The following SYNJ2 variants were observed in gnomAD, a reference collection of about 807,000 sequenced individuals.
SYNJ2 encodes the protein synaptojanin 2, also known as polyphosphatidylinositol phosphatase SYNJ2.
In SYNJ2, 116 loss-of-function variants were observed where a neutral mutation model predicts 141.3. That is an observed-to-expected ratio of 0.82 (90% CI 0.71 to 0.96). The LOEUF (loss-of-function observed/expected upper bound fraction) is 0.96, where lower values mean the gene tolerates loss of function less well. Ranked by LOEUF, SYNJ2 falls within the 40% of genes least tolerant of loss-of-function variation. SYNJ2 has a pLI of 0.00. For synonymous variants in SYNJ2, 745 were observed against 777.7 expected, an observed-to-expected ratio of 0.96 and a Z score of 0.70; for missense variants, 1,873 against 1,934.8, an observed-to-expected ratio of 0.97 and a Z score of 0.60.
At chr6:158,087,403 G>A (rs942810115) in intron 23 of SYNJ2, among the ~76,000 whole-genome samples, 1 of 152,154 alleles carries the variant, frequency 6.6e-6, no homozygotes, top group Non-Finnish European at 1.5e-5. Flanking sequence ...AGGTGACCTG[G>A]TCACCCCTCT....
At chr6:158,020,250 TGACTCTGACTGTGTGACCCCCACCTGC>T (rs1439303127) in intron 2 of SYNJ2, among the ~76,000 whole-genome samples, 2 of 140,416 alleles carry the variant, frequency 1.4e-5, no homozygotes, top group East Asian at 2.0e-4. Context: ...CCCACCTGCG[TGACTCTGACTGTGTGACCCCCACCTGC>T]GTGACTCCGA....
At chr6:157,991,838 G>T (rs1430982362) in intron 1 of SYNJ2, among the ~76,000 whole-genome samples, 1 of 152,186 alleles carries the variant, frequency 6.6e-6, no homozygotes, top group Non-Finnish European at 1.5e-5. Context: ...CTCTCCTTGA[G>T]TCTACCCTTT....
chr6:158,008,970 C>G (rs1055884366), intron 1 of SYNJ2, among the ~76,000 whole-genome samples: 4 of 152,234 alleles, frequency 2.6e-5, no homozygotes, highest in Non-Finnish European at 4.4e-5. Flanking sequence ...AACCTTCAGT[C>G]ACACTGCCCG....
At chr6:158,045,575 G>C (rs937350572) in intron 5 of SYNJ2, among the ~76,000 whole-genome samples, 2 of 152,048 alleles carry the variant, frequency 1.3e-5, no homozygotes, top group African/African-American at 4.8e-5. Flanking sequence ...TCTTCTCCGT[G>C]TGACTCACCC....
At position 158,074,737 on chromosome 6, in the gene SYNJ2, A is replaced by G. The variant is rs1172895735; in HGVS notation, c.2291A>G (p.Lys764Arg). ...CTACAGCTACAGAAATCAAGTGGAAAAGTAAGTTGTGCTTTAAAAACATTT... is the reference window on the plus strand; with the variant it reads ...CTACAGCTACAGAAATCAAGTGGAAGAGTAAGTTGTGCTTTAAAAACATTT... ...DQLQLQKSSG[K>R]IFKDFHEGAI... Residue 764 changes from lysine to arginine, a missense_variant and splice_region_variant, in exon 16 of 27, where the codon AAA becomes AGA. Transcript: ENST00000355585. The G allele has an allele frequency of 6.2e-7, 1 of 1,612,000 alleles. No homozygotes were observed. Among genetic ancestry groups the G allele is most frequent in the Non-Finnish European group, 8.5e-7 (1 of 1,179,582 alleles).
At position 158,078,124 on chromosome 6, in the gene SYNJ2, G is replaced by T. The variant is rs749050686; in HGVS notation, c.2450-40G>T. The T allele has an allele frequency of 1.2e-5, 16 of 1,340,682 alleles. No individual in the cohort carries two copies. The South Asian group carries it at 1.4e-4, about 12-fold the overall frequency. 83.0% of individuals were successfully genotyped at this position (1,340,682 alleles called of 1,614,324 possible). A position where few individuals can be genotyped will look rare whatever the true frequency, so the allele number is the denominator to read the frequency against. ...TGATCGCATTCTTGGATATTGACTCGATTCTATATGGGTCTCTCGAATGGA... is the reference window on the plus strand; with the variant it reads ...TGATCGCATTCTTGGATATTGACTCTATTCTATATGGGTCTCTCGAATGGA... On this transcript the variant is annotated intron_variant, in intron 17 of 26. Coordinates refer to ENST00000355585, the MANE Select transcript of SYNJ2 (RefSeq NM_003898.4).
intron 1 of SYNJ2, among the ~76,000 whole-genome samples, chr6:157,992,050 A>T (rs1278831375): frequency 6.6e-6 from 1 of 152,202 alleles, no homozygotes; most frequent in East Asian, 1.9e-4. Context: ...ATTTTGATAC[A>T]GGCATGTAAT....
intron 25 of SYNJ2, among the ~76,000 whole-genome samples, chr6:158,091,138 A>T (rs112725573): frequency 0.033 from 5,072 of 151,418 alleles, 282 homozygotes; most frequent in African/African-American, 0.12. Flanking sequence ...TAACACGGTG[A>T]AACCCCGTCT....
chr6:158,068,226 G>A (rs1781684983), intron 12 of SYNJ2, among the ~76,000 whole-genome samples: 2 of 151,458 alleles, frequency 1.3e-5, no homozygotes. Context: ...GAAGTGGACA[G>A]CCTGCCTGGC....
chr6:158,050,552 A>G (rs985112608), intron 5 of SYNJ2, among the ~76,000 whole-genome samples: 1 of 152,224 alleles, frequency 6.6e-6, no homozygotes, highest in Non-Finnish European at 1.5e-5. Flanking sequence ...AGCCCTGTCC[A>G]CACGGAATGC....
At chr6:158,025,972 A>AATATATGC (rs1554235770) in intron 2 of SYNJ2, among the ~76,000 whole-genome samples, 1 of 128,730 alleles carries the variant, frequency 7.8e-6, no homozygotes, top group African/African-American at 3.1e-5. Context: ...ATAAATAAAT[A>AATATATGC]ATACATGCAT....
At chr6:158,033,377 C>T in intron 3 of SYNJ2, 78 bp from the exon 4 acceptor site, 2 of 1,514,316 alleles carry the variant, frequency 1.3e-6, no homozygotes, top group Non-Finnish European at 1.8e-6. Context: ...CCCAGTTCCT[C>T]AGCCACACTC....
intron 2 of SYNJ2, 115 bp downstream of exon 2, chr6:158,017,405 CTT>C (rs34667973): frequency 0.28 from 167,287 of 592,786 alleles, 9,301 homozygotes; most frequent in African/African-American, 0.47. Flanking sequence ...TCTCTCTCTT[CTT>C]TTTTTTTTTT....
chr6:158,005,203 T>G (rs913477680), intron 1 of SYNJ2, among the ~76,000 whole-genome samples: 6 of 151,642 alleles, frequency 4.0e-5, no homozygotes, highest in Non-Finnish European at 5.9e-5. Flanking sequence ...TCAGCCTCCC[T>G]AGTAGCTGGG....
rs934820320 is a variant in SYNJ2, at chr6:158,047,236, G to A, written c.795+3837G>A. The stretch of plus-strand genomic sequence containing the variant: ...TTGTGTGCGTGGGAAGGAACCTGAC[G>A]CTTGTTCCAAGCTTCCCCGCAGCCA... On this transcript the variant is annotated intron_variant, in intron 5 of 26. Transcript: ENST00000355585. Among the ~76,000 whole-genome samples, 6 of 152,136 alleles carry A rather than the reference G, an allele frequency of 3.9e-5. No homozygotes were observed. The South Asian group carries it at 6.2e-4, about 16-fold the overall frequency.
intron 1 of SYNJ2, among the ~76,000 whole-genome samples, chr6:157,985,340 C>G (rs1449063313): frequency 1.3e-5 from 2 of 152,230 alleles, no homozygotes; most frequent in Non-Finnish European, 2.9e-5. Flanking sequence ...ATTCCAAATT[C>G]CTGCTTCTAA....
chr6:157,992,458 C>T (rs1418502654), intron 1 of SYNJ2, among the ~76,000 whole-genome samples: 4 of 143,680 alleles, frequency 2.8e-5, no homozygotes, highest in Non-Finnish European at 4.5e-5. Context: ...CTCTGTCACA[C>T]AGGCTATAGT....
At chr6:158,074,459 T>G (rs1358902948) in intron 15 of SYNJ2, 121 bp from the exon 16 acceptor site, 7 of 1,143,444 alleles carry the variant, frequency 6.1e-6, no homozygotes, top group East Asian at 2.4e-5. Flanking sequence ...GAAAACTTTC[T>G]TTTTTCTAAG....
chr6:158,069,787 T>TA, intron 14 of SYNJ2, 114 bp downstream of exon 14: 2 of 1,290,974 alleles, frequency 1.5e-6, no homozygotes, highest in Non-Finnish European at 2.1e-6. Context: ...AATCGGGACT[T>TA]ACCATTATTT....
Sources: allele counts gnomAD v4.1 joint callset (sites outside exome capture counted in the v4.1 genomes callset), GRCh38; gene constraint gnomAD v4.1.1; transcripts MANE v1.5; gene names NCBI Gene and HGNC (gene_info 2026-07-23, HGNC 2026-07-21).